Variants in TLDC2 observed in about 807,000 individuals in gnomAD.
The protein encoded by TLDC2 is TLD domain-containing protein 2.
Under a neutral mutation model 27.9 loss-of-function variants are expected in TLDC2, and 23 were observed. The observed-to-expected ratio is 0.82, with a 90% CI of 0.59 to 1.17. The LOEUF (loss-of-function observed/expected upper bound fraction) is 1.17, where lower values mean the gene tolerates loss of function less well. Among genes scored for constraint, TLDC2 ranks in the 50% most tolerant of loss-of-function variants. The pLI is 0.00. For missense variants in TLDC2, 286 were observed against 273.4 expected (o/e 1.05, Z -0.32); for synonymous variants, 124 against 107.4 (o/e 1.16, Z -0.96).
intron 3 of TLDC2, 72 bp downstream of exon 3, chr20:36,879,265 G>A: frequency 6.6e-7 from 1 of 1,526,566 alleles, no homozygotes; most frequent in Non-Finnish European, 8.8e-7. Context: ...CTGTCCCAGG[G>A]CAGCTCAGGG....
At position 36,892,982 on chromosome 20, in the gene TLDC2, G is replaced by C. The variant is rs760217203; in HGVS notation, c.*138G>C. 5.0e-6 allele frequency: 8 copies of C among 1,614,008 alleles called. No individual in the cohort carries two copies. In the South Asian group the frequency reaches 8.8e-5, roughly 18 times the overall value. ...TGGACTCTGCTTTTGGATGCTTCTC[G>C]GAGGCGAGTTGGATTTTGGACTGAA... On this transcript the variant is annotated 3_prime_UTR_variant, in exon 7 of 7. Coordinates refer to ENST00000217320, the MANE Select transcript of TLDC2 (RefSeq NM_080628.3).
rs369496636 is a variant in TLDC2, at chr20:36,876,208, G to A, written c.33+1G>A. 141 of 1,614,060 alleles carry A rather than the reference G, an allele frequency of 8.7e-5. No homozygotes were observed. The highest frequency in any genetic ancestry group is 1.2e-4 in the Non-Finnish European group (140 of 1,180,002). The stretch of plus-strand genomic sequence containing the variant: ...CCTCCGCTGGCGTTACACTCGGCTG[G>A]TAAGGGTTCCAACTCCGTCTGTGGT... On this transcript the variant is annotated splice_donor_variant, in intron 1 of 6. Transcript: ENST00000217320. LOFTEE classifies it high-confidence loss of function.
intron 6 of TLDC2, chr20:36,889,859 C>A (rs1367423116): frequency 6.5e-6 from 1 of 153,106 alleles, no homozygotes; most frequent in Non-Finnish European, 1.5e-5. Context: ...ATTCAACCCC[C>A]CCCAACTCTT....
chr20:36,890,082 G>C lies in TLDC2; in HGVS notation c.*17+679G>C, dbSNP rs763513326. On this transcript the variant is annotated intron_variant, in intron 6 of 6. Coordinates refer to ENST00000217320, the MANE Select transcript of TLDC2 (RefSeq NM_080628.3). ...CCTCTGGCCTGCTGCAGAATGTTGAGGCCTTTTTGTCTGCCACCAGTGCCA... is the reference window on the plus strand; with the variant it reads ...CCTCTGGCCTGCTGCAGAATGTTGACGCCTTTTTGTCTGCCACCAGTGCCA... The C allele has an allele frequency of 2.7e-4, 41 of 152,176 alleles. 1 individual carries two copies. Among genetic ancestry groups the C allele is most frequent in the Non-Finnish European group, 2.4e-4 (16 of 68,044 alleles). 9.4% of individuals were successfully genotyped at this position (152,176 alleles called of 1,614,324 possible). A position where few individuals can be genotyped will look rare whatever the true frequency, so the allele number is the denominator to read the frequency against.
In TLDC2 at chr20:36,880,881, G is replaced by A. The variant is rs963018534; in HGVS notation, c.438+131G>A. ...TGCCACCATCTTCCCACAGGGGAAT[G>A]AGCAGGGCAGTGGTGGGCAGAGCAT... On this transcript the variant is annotated intron_variant, in intron 4 of 6. Coordinates refer to ENST00000217320, the MANE Select transcript of TLDC2 (RefSeq NM_080628.3). 167 of 816,950 alleles carry A rather than the reference G, an allele frequency of 2.0e-4. 2 individuals are homozygous for A. Among genetic ancestry groups the A allele is most frequent in the South Asian group, 1.3e-4 (8 of 63,482 alleles). 50.6% of individuals were successfully genotyped at this position (816,950 alleles called of 1,614,324 possible).
In TLDC2 at chr20:36,893,158, A is replaced by C. The variant is rs534458534; in HGVS notation, c.*314A>C. 5 of 1,476,452 alleles carry C rather than the reference A, an allele frequency of 3.4e-6. No individual in the cohort carries two copies. The highest frequency in any genetic ancestry group is 1.1e-5 in the South Asian group (1 of 87,506). 91.5% of individuals were successfully genotyped at this position (1,476,452 alleles called of 1,614,324 possible). ...GAAAGTCTCAAGTGCGCACATCCTC[A>C]TCTTGCATATAGATTGCTTCTAGCT... On this transcript the variant is annotated 3_prime_UTR_variant, in exon 7 of 7. Transcript: ENST00000217320.
intron 5 of TLDC2, among the ~76,000 whole-genome samples, chr20:36,888,663 G>T (rs978744585): frequency 7.6e-6 from 1 of 130,992 alleles, no homozygotes; most frequent in Non-Finnish European, 1.6e-5. Flanking sequence ...CCAAGATCGC[G>T]CCATTGCACT....
At position 36,889,281 on chromosome 20, in the gene TLDC2, C is replaced by T. The variant is rs1989999968; in HGVS notation, c.543C>T (p.Asp181=). 29 of 1,614,146 alleles carry T rather than the reference C, an allele frequency of 1.8e-5. No individual in the cohort carries two copies. The highest frequency in any genetic ancestry group is 2.3e-5 in the Non-Finnish European group (27 of 1,180,014). The change falls in exon 6 of 7, where the codon GAC becomes GAT. Residue 181 remains aspartate, a synonymous_variant. Transcript: ENST00000217320. ...GGTTTGGGCTGTGGTTGGATGGAGA[C>T]TTGTTCCGCGGGGGAAGCTCCCCTT... ...SGRFGLWLDG[D]LFRGGSSPCP...
rs947114783 is a variant in TLDC2, at chr20:36,893,897, T to A, written c.*1053T>A. Reference sequence around the variant, plus strand: ...GCTCCCATGCCTGTTGGTTTCCAGTTAGATTTGGTCAGTGGGAGGCTCTGG... The same window carrying A: ...GCTCCCATGCCTGTTGGTTTCCAGTAAGATTTGGTCAGTGGGAGGCTCTGG... On this transcript the variant is annotated 3_prime_UTR_variant, in exon 7 of 7. Transcript: ENST00000217320. 5.0e-6 allele frequency: 2 copies of A among 398,518 alleles called. No individual in the cohort carries two copies. Among genetic ancestry groups the A allele is most frequent in the Non-Finnish European group, 8.8e-6 (2 of 226,082 alleles). 24.7% of individuals were successfully genotyped at this position (398,518 alleles called of 1,614,324 possible).
intron 4 of TLDC2, 143 bp from the exon 5 acceptor site, chr20:36,887,310 CCT>C (rs1289249685): frequency 8.3e-6 from 6 of 719,838 alleles, no homozygotes; most frequent in Non-Finnish European, 1.5e-5. Context: ...CCCCAAGATC[CCT>C]GAGCCCGGAG....
chr20:36,887,494 G>C lies in TLDC2; in HGVS notation c.478G>C (p.Gly160Arg), dbSNP rs1989948145. 2.5e-6 allele frequency: 4 copies of C among 1,614,020 alleles called. No homozygotes were observed. Among genetic ancestry groups the C allele is most frequent in the Non-Finnish European group, 3.4e-6 (4 of 1,180,020 alleles). The change falls in exon 5 of 7, where the codon GGA becomes CGA. Residue 160 changes from glycine to arginine, a missense_variant. Coordinates refer to ENST00000217320, the MANE Select transcript of TLDC2 (RefSeq NM_080628.3). ...TGGAAGCAACTCTTTCTTTGTGAAG[G>C]GAGACTTGGATTCACTGATGATGGG... ...WTGSNSFFVK[G>R]DLDSLMMGSG...
At chr20:36,886,487 G>C (rs1407859084) in intron 4 of TLDC2, among the ~76,000 whole-genome samples, 2 of 152,196 alleles carry the variant, frequency 1.3e-5, no homozygotes, top group African/African-American at 4.8e-5. Context: ...CAGCCACTCA[G>C]GAGGCTGAGG....
At chr20:36,876,336 C>A in intron 1 of TLDC2, 129 bp downstream of exon 1, 1 of 1,266,258 alleles carries the variant, frequency 7.9e-7, no homozygotes, top group East Asian at 2.3e-5. Context: ...CCCTCCCTGG[C>A]AGGCCTGTGG....
At chr20:36,886,371 G>A (rs564932548) in intron 4 of TLDC2, among the ~76,000 whole-genome samples, 3 of 152,278 alleles carry the variant, frequency 2.0e-5, no homozygotes, top group East Asian at 1.9e-4. Context: ...CAAGGCAGGC[G>A]GATCACGAGG....
chr20:36,886,128 G>GT (rs960172396), intron 4 of TLDC2, among the ~76,000 whole-genome samples: 9 of 152,250 alleles, frequency 5.9e-5, no homozygotes, highest in African/African-American at 1.9e-4. Context: ...AGTTTTGACA[G>GT]TTTTTTTGTT....
In TLDC2 at chr20:36,894,179, C is replaced by CACCCCCA. The variant is rs1339875560; in HGVS notation, c.*1335_*1336insACCCCCA. 5.2e-6 allele frequency: 2 copies of CACCCCCA among 383,918 alleles called. No individual in the cohort carries two copies. The highest frequency in any genetic ancestry group is 4.5e-5 in the Admixed American group (1 of 22,316). The allele number at this position is 383,918 out of a possible 1,614,324, so 23.8% of individuals were successfully genotyped here. On this transcript the variant is annotated 3_prime_UTR_variant, in exon 7 of 7. Transcript: ENST00000217320. Reference sequence around the variant, plus strand: ...ATCTCACCCCCATGTTAAATTTTTTCTGTTGAACTACACTGGATCTGACTT... The same window carrying CACCCCCA: ...ATCTCACCCCCATGTTAAATTTTTTCACCCCCATGTTGAACTACACTGGATCTGACTT...
Position 36,889,400 on chromosome 20 carries a change from A to G in TLDC2, c.*14A>G. ...CTTCTCAGCTGACAGCCCTGCGGCA[A>G]CAGGTACTCAGCCCTGCTCATGATG... On this transcript the variant is annotated 3_prime_UTR_variant, in exon 6 of 7. Transcript: ENST00000217320. The G allele has an allele frequency of 6.2e-7, 1 of 1,612,682 alleles. No individual in the cohort carries two copies. The highest frequency in any genetic ancestry group is 8.5e-7 in the Non-Finnish European group (1 of 1,179,776).
At position 36,880,070 on chromosome 20, in the gene TLDC2, CATATATATATATAT is replaced by C. The variant is rs1186641126; in HGVS notation, c.343-567_343-554del. ...ATTACTTGTGTAGAATATATATATA[CATATATATATATAT>C]ATATATATATATATATACTTTTTTT... is the stretch of plus-strand genomic sequence containing the variant. On this transcript the variant is annotated intron_variant, in intron 3 of 6. Coordinates refer to ENST00000217320, the MANE Select transcript of TLDC2 (RefSeq NM_080628.3). Among the ~76,000 whole-genome samples the C allele has an allele frequency of 2.5e-3, 180 of 73,064 alleles. 7 individuals carry two copies. Among genetic ancestry groups the C allele is most frequent in the African/African-American group, 8.1e-3 (172 of 21,296 alleles). 47.9% of individuals were successfully genotyped at this position (73,064 alleles called of 152,430 possible). A position where few individuals can be genotyped will look rare whatever the true frequency, so the allele number is the denominator to read the frequency against.
chr20:36,887,183 T>C (rs1039820912), intron 4 of TLDC2, among the ~76,000 whole-genome samples: 2 of 152,120 alleles, frequency 1.3e-5, no homozygotes, highest in African/African-American at 4.8e-5. Flanking sequence ...CCTCCAGCTT[T>C]GGAAGCAGGA....
Sources: gnomAD v4.1 joint callset for allele counts (sites outside exome capture counted in the v4.1 genomes callset) on GRCh38, gnomAD v4.1.1 for gene constraint, MANE v1.5 for transcripts, NCBI Gene and HGNC (gene_info 2026-07-23, HGNC 2026-07-21) for gene names.